MTOR: variants seen among roughly 807,000 people sequenced by gnomAD.
MTOR encodes serine/threonine-protein kinase mTOR.
Under a neutral mutation model 319.8 loss-of-function variants are expected in MTOR, and 70 were observed. That is an observed-to-expected ratio of 0.22 (90% confidence interval 0.18 to 0.27). The LOEUF (loss-of-function observed/expected upper bound fraction) is 0.27. MTOR is among the 10% of genes least tolerant of loss of function. The pLI is 1.00. For synonymous variants in MTOR, 1,183 were observed against 1,211.4 expected (o/e 0.98, Z 0.49); for missense variants, 1,890 against 3,274.4 (o/e 0.58, Z 10.32).
intron 19 of MTOR, among the ~76,000 whole-genome samples, chr1:11,226,840 C>G (rs1329772564): frequency 6.6e-6 from 1 of 152,042 alleles, no homozygotes; most frequent in African/African-American, 2.4e-5. Context: ...TATTACTTTT[C>G]CTTACTGTGT....
rs2100430016 is a variant in MTOR, at chr1:11,130,562, G to A, written c.5580C>T (p.Pro1860=). 6 of 1,613,582 alleles carry A rather than the reference G, an allele frequency of 3.7e-6. No homozygotes were observed. Among genetic ancestry groups the A allele is most frequent in the Non-Finnish European group, 5.1e-6 (6 of 1,179,996 alleles). The change falls in exon 39 of 58, where the codon CCC becomes CCT. Residue 1860 remains proline (P), a synonymous_variant. Transcript: ENST00000361445. ...ESEAESTENS[P]TPSPLQKKVT... is the part of the protein sequence containing the mutation. ...CCTTCTTCTGCAGCGGCGATGGGGT[G>A]GGGCTGTTCTCGGTGCTCTCGGCCT... is the stretch of plus-strand genomic sequence containing the variant.
chr1:11,181,408 C>T (rs1645142358), intron 28 of MTOR, among the ~76,000 whole-genome samples: 1 of 152,090 alleles, frequency 6.6e-6, no homozygotes. Context: ...ACCTGTAATT[C>T]CAGCTACTCG....
At chr1:11,140,983 G>GAAAA (rs56098089) in intron 34 of MTOR, among the ~76,000 whole-genome samples, 2 of 129,844 alleles carry the variant, frequency 1.5e-5, no homozygotes, top group Non-Finnish European at 3.2e-5. Flanking sequence ...TAAGACTTCT[G>GAAAA]AAAAAAAAAA....
intron 49 of MTOR, among the ~76,000 whole-genome samples, chr1:11,119,819 T>C (rs545323207): frequency 1.3e-5 from 2 of 151,170 alleles, no homozygotes; most frequent in East Asian, 3.9e-4. Context: ...GAAGAAACTT[T>C]AAAGAAAAGG....
chr1:11,262,232 A>AGGGTCCAGGGGTCTCTTGG (rs1447043993), intron 1 of MTOR, among the ~76,000 whole-genome samples: 8 of 152,166 alleles, frequency 5.3e-5, no homozygotes, highest in African/African-American at 1.9e-4. Flanking sequence ...CGCGGGCCGA[A>AGGGTCCAGGGGTCTCTTGG]GGGTCCAGGG....
intron 28 of MTOR, among the ~76,000 whole-genome samples, chr1:11,172,585 T>C (rs1219663400): frequency 8.9e-6 from 1 of 112,866 alleles, no homozygotes; most frequent in South Asian, 2.9e-4. Flanking sequence ...AAAATACAAC[T>C]TTGGGCCAGG....
rs1483129342 is a variant in MTOR, at chr1:11,139,290, A to G, written c.5130+14T>C. 8.8e-6 allele frequency: 14 copies of G among 1,595,438 alleles called. No individual in the cohort carries two copies. In the South Asian group the frequency reaches 1.6e-4, roughly 18 times the overall value. On this transcript the variant is annotated intron_variant, in intron 36 of 57. Coordinates refer to ENST00000361445, the MANE Select transcript of MTOR (RefSeq NM_004958.4). ...GGAGAAGGTGGTCTGTTCTGGATGC[A>G]TTGGGATACAGACCTTGCGGGCACT... is the stretch of plus-strand genomic sequence containing the variant.
At chr1:11,174,749 CGGGG>C (rs1644930627) in intron 28 of MTOR, among the ~76,000 whole-genome samples, 1 of 152,170 alleles carries the variant, frequency 6.6e-6, no homozygotes, top group Non-Finnish European at 1.5e-5. Flanking sequence ...TCTTGTTTTA[CGGGG>C]CAGCTGGGAG....
intron 28 of MTOR, among the ~76,000 whole-genome samples, chr1:11,170,563 T>A (rs1049391285): frequency 1.3e-5 from 2 of 151,378 alleles, no homozygotes; most frequent in African/African-American, 2.4e-5. Flanking sequence ...TAAAGAAAAA[T>A]AATAATAAAA....
At chr1:11,176,147 C>T (rs894870480) in intron 28 of MTOR, among the ~76,000 whole-genome samples, 5 of 152,168 alleles carry the variant, frequency 3.3e-5, no homozygotes, top group Admixed American at 1.3e-4. Flanking sequence ...GCAGTCTAAA[C>T]GCCTTTCCTG....
intron 28 of MTOR, among the ~76,000 whole-genome samples, chr1:11,198,486 C>T (rs1347097363): frequency 6.6e-6 from 1 of 152,174 alleles, no homozygotes; most frequent in Non-Finnish European, 1.5e-5. Flanking sequence ...ACAGCAGGCT[C>T]TATCAGCCAC....
chr1:11,122,809 CCTGA>C (rs968008400), intron 47 of MTOR, among the ~76,000 whole-genome samples: 40 of 152,084 alleles, frequency 2.6e-4, no homozygotes, highest in African/African-American at 8.0e-4. Context: ...GCCCGGCGGC[CCTGA>C]CTATTTTTAA....
chr1:11,248,176 C>A (rs770376285), intron 6 of MTOR, 82 bp from the exon 7 acceptor site: 4 of 1,411,310 alleles, frequency 2.8e-6, no homozygotes, highest in African/African-American at 1.4e-5. Context: ...CAGACAATTA[C>A]ATTTGCCTAA....
rs1240120274 is a variant in MTOR at position 11,106,821 on chromosome 1, A to G, written c.*664T>C. On this transcript the variant is annotated 3_prime_UTR_variant, in exon 58 of 58. Coordinates refer to ENST00000361445, the MANE Select transcript of MTOR (RefSeq NM_004958.4). ...CACTGCACAGTGATCCCCTCTGTGC[A>G]TCTGCTCAGCCGAGGCTGCCAGCGA... is the stretch of plus-strand genomic sequence containing the variant. 7.7e-7 allele frequency: 1 copy of G among 1,303,952 alleles called. No homozygotes were observed. Among genetic ancestry groups the G allele is most frequent in the Non-Finnish European group, 9.9e-7 (1 of 1,005,802 alleles). 80.8% of individuals were successfully genotyped at this position (1,303,952 alleles called of 1,614,324 possible).
intron 13 of MTOR, among the ~76,000 whole-genome samples, chr1:11,236,137 CTT>C (rs1224891837): frequency 5.1e-4 from 70 of 138,242 alleles, no homozygotes; most frequent in Admixed American, 5.1e-4. Flanking sequence ...TTATTTTTTC[CTT>C]TTTTTTTTTT....
rs1445053156 is a variant in MTOR, at chr1:11,237,975, G to A, written c.2076C>T (p.Asn692=). The part of the protein sequence containing the change: ...RFDAHLAQAE[N]LQALFVALND... ...TCAGAGCCACAAACAAGGCCTGCAA[G>A]TTCTCCGCCTGGGCCAGGTGTGCAT... The change falls in exon 13 of 58, where the codon AAC becomes AAT. Residue 692 remains asparagine, a synonymous_variant. Coordinates refer to ENST00000361445, the MANE Select transcript of MTOR (RefSeq NM_004958.4). The A allele has an allele frequency of 6.2e-7, 1 of 1,614,216 alleles. No homozygotes were observed.
rs545605842 is a variant in MTOR, at chr1:11,175,932, G to A, written c.4254-8415C>T. Among the ~76,000 whole-genome samples, 311 of 152,172 alleles carry A rather than the reference G, an allele frequency of 2.0e-3. 1 individual carries two copies. Among genetic ancestry groups the A allele is most frequent in the African/African-American group, 7.1e-3 (296 of 41,528 alleles). ...GCTAATTTTTCTATTTTTAGTAGTA[G>A]AGATGTGTTTTCACCATGTTGGCCA... On this transcript the variant is annotated intron_variant, in intron 28 of 57. Transcript: ENST00000361445.
chr1:11,146,654 C>G (rs1390283690), intron 32 of MTOR, 22 bp downstream of exon 32: 1 of 1,582,256 alleles, frequency 6.3e-7, no homozygotes, highest in Non-Finnish European at 8.7e-7. Flanking sequence ...ACTGAGAGAT[C>G]TGGGTGCATG....
chr1:11,234,603 G>A (rs1038972223), intron 13 of MTOR, among the ~76,000 whole-genome samples: 1 of 152,170 alleles, frequency 6.6e-6, no homozygotes, highest in Non-Finnish European at 1.5e-5. Flanking sequence ...TGTGAGTAGG[G>A]TTCTATAAAA....
Sources: gnomAD v4.1 joint callset for allele counts (sites outside exome capture counted in the v4.1 genomes callset) on GRCh38, gnomAD v4.1.1 for gene constraint, MANE v1.5 for transcripts, NCBI Gene and HGNC (gene_info 2026-07-23, HGNC 2026-07-21) for gene names.